Variants in GIT2 observed in about 807,000 individuals in gnomAD.
GIT2 encodes the protein GIT ArfGAP 2, also known as ARF GTPase-activating protein GIT2.
In GIT2, 32 loss-of-function variants were observed where a neutral mutation model predicts 100.3. That is an observed-to-expected ratio of 0.32 (90% CI 0.24 to 0.43). The LOEUF (loss-of-function observed/expected upper bound fraction) is 0.43. GIT2 is among the 20% of genes least tolerant of loss of function. The pLI is 1.00. For missense variants in GIT2, 737 were observed against 975.1 expected (o/e 0.76, Z 3.25); for synonymous variants, 353 against 364.1 (o/e 0.97, Z 0.35).
In GIT2 at chr12:109,947,403, G is replaced by A. The variant is rs1876642664; in HGVS notation, c.1494C>T (p.His498=). The change falls in exon 15 of 20, where the codon CAC becomes CAT. Residue 498 remains histidine, a synonymous_variant. Transcript: ENST00000355312. This position sits in a 1 kb window ranked among gnomAD's most constrained non-coding sequence, Gnocchi z 4.3. ...CAGACGGACGTCTCTTTAAGGAAGA[G>A]TGGTTGGAAGTGTCTGTGTACTCAG... is the stretch of plus-strand genomic sequence containing the variant. ...TGSEYTDTSN[H]SSLKRRPSAR... The A allele has an allele frequency of 1.9e-6, 3 of 1,614,170 alleles. No individual in the cohort carries two copies. The South Asian group carries it at 3.3e-5, about 18-fold the overall frequency.
intron 18 of GIT2, 73 bp downstream of exon 18, chr12:109,938,307 G>C (rs1405308288): frequency 5.9e-5 from 62 of 1,045,532 alleles, no homozygotes; most frequent in Non-Finnish European, 8.3e-5. Flanking sequence ...GCTGCCATTA[G>C]GAACATGGGC....
rs1186944319 is a variant in GIT2, at chr12:109,979,321, G to C, written c.718+1631C>G. 2.2e-4 allele frequency among the ~76,000 whole-genome samples: 31 copies of C among 139,340 alleles called. No individual in the cohort carries two copies. In the Admixed American group the frequency reaches 2.4e-3, roughly 11 times the overall value. 91.4% of individuals were successfully genotyped at this position (139,340 alleles called of 152,430 possible). A position where few individuals can be genotyped will look rare whatever the true frequency, so the allele number is the denominator to read the frequency against. On this transcript the variant is annotated intron_variant, in intron 7 of 19. Coordinates refer to ENST00000355312, the MANE Select transcript of GIT2 (RefSeq NM_057169.5). ...GATGGAGTCTCATTCTGTCACCCAG[G>C]CTGGAGTGCAGTGGCGCAATCTTGG...
chr12:109,938,509 T>G lies in GIT2; in HGVS notation c.1874A>C (p.Asp625Ala), dbSNP rs1301129051. The change falls in exon 18 of 20, where the codon GAC becomes GCC. Residue 625 changes from aspartate (D) to alanine (A), a missense_variant. Physicochemically the swap from Asp to Ala is moderately radical, Grantham distance 126 (BLOSUM62 -2). Around this residue, in one of 3 missense-constraint regions of GIT2, gnomAD observed 451 missense variants for 543.7 expected, o/e 0.83. Transcript: ENST00000355312. ...MVWPGDGLVPDTAEPHVAPSP... is the reference protein window; with the variant it reads ...MVWPGDGLVPATAEPHVAPSP... Reference sequence around the variant, plus strand: ...TGGGGCCACATGGGGTTCTGCTGTGTCTGGTACCAAGCCATCCCCTGGCCA... The same window carrying G: ...TGGGGCCACATGGGGTTCTGCTGTGGCTGGTACCAAGCCATCCCCTGGCCA... 6.2e-7 allele frequency: 1 copy of G among 1,613,668 alleles called. No homozygotes were observed. Among genetic ancestry groups the G allele is most frequent in the Non-Finnish European group, 8.5e-7 (1 of 1,179,798 alleles).
At chr12:109,978,194 T>A (rs1885547357) in intron 7 of GIT2, among the ~76,000 whole-genome samples, 2 of 151,344 alleles carry the variant, frequency 1.3e-5, no homozygotes, top group African/African-American at 4.9e-5. Context: ...GTGATTCTTG[T>A]GCCTCAGCTA....
intron 16 of GIT2, among the ~76,000 whole-genome samples, chr12:109,944,355 TCTTAC>T (rs1055208257): frequency 2.8e-4 from 42 of 152,258 alleles, no homozygotes; most frequent in African/African-American, 9.6e-4. Flanking sequence ...ACCTTCCTCC[TCTTAC>T]CTTACATTAC....
At chr12:109,976,475 G>A (rs1275076226) in intron 7 of GIT2, among the ~76,000 whole-genome samples, 1 of 151,172 alleles carries the variant, frequency 6.6e-6, no homozygotes, top group Non-Finnish European at 1.5e-5. Context: ...TAGTAGAGAC[G>A]GGGTTTCATC....
At chr12:109,973,398 C>T (rs1048190822) in intron 7 of GIT2, among the ~76,000 whole-genome samples, 9 of 152,148 alleles carry the variant, frequency 5.9e-5, no homozygotes, top group Non-Finnish European at 1.3e-4. Flanking sequence ...GCCTCAGCCT[C>T]CCAAAGTGCT....
At chr12:109,963,016 G>GA (rs142124226) in intron 9 of GIT2, among the ~76,000 whole-genome samples, 3,273 of 152,030 alleles carry the variant, frequency 0.022, 117 homozygotes, top group African/African-American at 0.075. Flanking sequence ...GAAAAAAAAA[G>GA]AAAAAACAAG....
At position 109,953,139 on chromosome 12, in the gene GIT2, C is replaced by G; in HGVS notation, c.1195G>C (p.Glu399Gln). The change falls in exon 13 of 20, where the codon GAA (glutamate) becomes CAA (glutamine). Residue 399 changes from glutamate to glutamine, a missense_variant. Transcript: ENST00000355312. ...GCAGTGGTTTCCAAATCTGTGTCTT[C>G]GTCTGATGCCACGCTGTCATAGTCG... Reference protein sequence around the residue: ...QPDYDSVASDEDTDLETTASK... With the variant: ...QPDYDSVASDQDTDLETTASK... The G allele has an allele frequency of 6.2e-7, 1 of 1,614,144 alleles. No homozygotes were observed. Among genetic ancestry groups the G allele is most frequent in the South Asian group, 1.1e-5 (1 of 91,080 alleles).
Position 109,945,341 on chromosome 12 carries a change from C to G in GIT2, c.1650G>C (p.Arg550Ser). ...RLQPFPAHIG[R>S]SALVTSSSSL... is the part of the protein sequence containing the mutation. Reference sequence around the variant, plus strand: ...ATGAAGAGGAGGTCACAAGTGCACTCCTCCCGATCTGGAATGGGAAAGAGA... The same window carrying G: ...ATGAAGAGGAGGTCACAAGTGCACTGCTCCCGATCTGGAATGGGAAAGAGA... Residue 550 changes from arginine to serine, a missense_variant, in exon 16 of 20, where the codon AGG becomes AGC. Coordinates refer to ENST00000355312, the MANE Select transcript of GIT2 (RefSeq NM_057169.5). 1 of 1,504,760 alleles carries G rather than the reference C, an allele frequency of 6.6e-7. No homozygotes were observed. Among genetic ancestry groups the G allele is most frequent in the Non-Finnish European group, 9.2e-7 (1 of 1,081,472 alleles). 93.2% of individuals were successfully genotyped at this position (1,504,760 alleles called of 1,614,324 possible).
At chr12:109,991,526 T>C in intron 2 of GIT2, 101 bp downstream of exon 2, 1 of 869,568 alleles carries the variant, frequency 1.2e-6, no homozygotes, top group Non-Finnish European at 1.9e-6. Context: ...ATGAAACAGT[T>C]TTGTCTTATG....
chr12:109,997,463 A>G (rs187842776), upstream of GIT2: 1 of 152,370 alleles, frequency 6.6e-6, no homozygotes, highest in East Asian at 1.9e-4. Flanking sequence ...CTCATGTTCA[A>G]AATTAAGATA....
chr12:109,983,789 C>A, intron 4 of GIT2, 95 bp from the exon 5 acceptor site: 1 of 737,056 alleles, frequency 1.4e-6, no homozygotes, highest in Admixed American at 2.4e-5. Context: ...TATGTTACAT[C>A]AGTAACGCAT....
rs1263318488 is a variant in GIT2 at position 109,948,998 on chromosome 12, A to G, written c.1393-1494T>C. On this transcript the variant is annotated intron_variant, in intron 14 of 19. Transcript: ENST00000355312. The surrounding 1 kb of genome is among the most constrained non-coding windows in gnomAD (Gnocchi z 4.3). ...ATATTAATCATGCCAAACTGCTGTGAAAGTGTGACTTACTGCCTCTTCCAC... is the reference window on the plus strand; with the variant it reads ...ATATTAATCATGCCAAACTGCTGTGGAAGTGTGACTTACTGCCTCTTCCAC... 5.0e-6 allele frequency: 3 copies of G among 596,566 alleles called. No individual in the cohort carries two copies. The highest frequency in any genetic ancestry group is 8.8e-4 in the Middle Eastern group (2 of 2,284). 37.0% of individuals were successfully genotyped at this position (596,566 alleles called of 1,614,324 possible). A position where few individuals can be genotyped will look rare whatever the true frequency, so the allele number is the denominator to read the frequency against.
chr12:109,933,064 T>A lies in GIT2; in HGVS notation c.2194A>T (p.Thr732Ser). 1.2e-6 allele frequency: 2 copies of A among 1,613,850 alleles called. No individual in the cohort carries two copies. The highest frequency in any genetic ancestry group is 1.7e-6 in the Non-Finnish European group (2 of 1,179,714). The stretch of plus-strand genomic sequence containing the variant: ...TACGCACACTGGATGACCTGCTGCG[T>A]GACCAGCTGAACGTCTGTGGGTGAG... ...PGSPTDVQLVTQQVIQCAYDI... is the reference protein window; with the variant it reads ...PGSPTDVQLVSQQVIQCAYDI... Residue 732 changes from threonine (T) to serine (S), a missense_variant, in exon 20 of 20, where the codon ACG (threonine) becomes TCG (serine). Transcript: ENST00000355312. The surrounding 1 kb of genome is among the most constrained non-coding windows in gnomAD (Gnocchi z 4.5).
chr12:109,957,032 A>C (rs1438141918), intron 12 of GIT2, among the ~76,000 whole-genome samples: 2 of 151,874 alleles, frequency 1.3e-5, no homozygotes, highest in African/African-American at 4.8e-5. Flanking sequence ...AAAAAAAACA[A>C]AACAAAATCA....
chr12:109,952,850 T>G (rs1273492887), intron 13 of GIT2: 1 of 567,532 alleles, frequency 1.8e-6, no homozygotes, highest in Non-Finnish European at 3.2e-6. Flanking sequence ...GAGAAGTCAC[T>G]CAGTAAACAC....
chr12:109,989,945 G>C (rs1030122860), intron 2 of GIT2, 143 bp from the exon 3 acceptor site: 21 of 641,338 alleles, frequency 3.3e-5, no homozygotes, highest in Non-Finnish European at 5.2e-5. Flanking sequence ...TTTCTGATTT[G>C]AGAATGAGAA....
upstream of GIT2, chr12:109,999,629 G>C: frequency 7.2e-7 from 1 of 1,397,782 alleles, no homozygotes; most frequent in Admixed American, 2.4e-5. The surrounding 1 kb of genome is among the most constrained non-coding windows in gnomAD (Gnocchi z 4.3). Flanking sequence ...GGGCGCGGGA[G>C]ACCCCGCCGG....
Sources: gnomAD v4.1 joint callset for allele counts (sites outside exome capture counted in the v4.1 genomes callset) on GRCh38, gnomAD v4.1.1 for gene constraint, gnomAD v4.1.1 regional missense constraint, Gnocchi (gnomAD v3.1) non-coding constraint, MANE v1.5 for transcripts, NCBI Gene and HGNC (gene_info 2026-07-23, HGNC 2026-07-21) for gene names.